The following GDPD1 variants were observed in gnomAD, a reference collection of about 807,000 sequenced individuals.
The protein encoded by GDPD1 is lysophospholipase D GDPD1.
GDPD1 carries 28 observed loss-of-function variants against 45.1 expected under a neutral mutation model. The ratio of observed to expected loss-of-function variants is 0.62; its 90% CI spans 0.46 to 0.85. The LOEUF (loss-of-function observed/expected upper bound fraction) is 0.85, where lower values mean the gene tolerates loss of function less well. Among genes scored for constraint, GDPD1 ranks in the 40% least tolerant of loss-of-function variants. The pLI, the probability that GDPD1 is intolerant of heterozygous loss-of-function variation, is 0.00. For missense variants in GDPD1, 256 were observed against 364.8 expected (o/e 0.70, Z 2.43); for synonymous variants, 139 against 131.4 (o/e 1.06, Z -0.40).
chr17:59,245,162 T>A (rs867363677), intron 2 of GDPD1, among the ~76,000 whole-genome samples: 2 of 152,208 alleles, frequency 1.3e-5, no homozygotes, highest in Admixed American at 1.3e-4. Context: ...TAACTTCAGA[T>A]TCAGTATTCT....
intron 6 of GDPD1, among the ~76,000 whole-genome samples, chr17:59,261,913 C>CTGTTTTTTTT (rs2047358628): frequency 1.3e-5 from 1 of 79,350 alleles, no homozygotes; most frequent in African/African-American, 6.4e-5. Flanking sequence ...AGATTACAGG[C>CTGTTTTTTTT]TTTTTTTTTT....
intron 6 of GDPD1, among the ~76,000 whole-genome samples, chr17:59,258,479 GT>G (rs2147896941): frequency 6.6e-6 from 1 of 152,136 alleles, no homozygotes; most frequent in South Asian, 2.1e-4. Flanking sequence ...GGAAGCAGAG[GT>G]TGCAGTGAGC....
chr17:59,262,706 C>A (rs1034898541), intron 6 of GDPD1, among the ~76,000 whole-genome samples: 3 of 150,822 alleles, frequency 2.0e-5, no homozygotes, highest in Non-Finnish European at 2.9e-5. Flanking sequence ...TGGCTCACTG[C>A]AACCTCCGCC....
chr17:59,231,431 A>G (rs909993055), intron 1 of GDPD1, among the ~76,000 whole-genome samples: 9 of 140,830 alleles, frequency 6.4e-5, no homozygotes, highest in African/African-American at 2.5e-4. Context: ...GGTTCACGCC[A>G]TTCTCCTGCC....
intron 3 of GDPD1, among the ~76,000 whole-genome samples, chr17:59,247,050 G>A (rs1241049983): frequency 6.6e-6 from 1 of 152,072 alleles, no homozygotes; most frequent in Non-Finnish European, 1.5e-5. Flanking sequence ...TTACAGGTGT[G>A]AGCCACCACG....
At chr17:59,245,619 C>A in intron 3 of GDPD1, 70 bp downstream of exon 3, 8 of 1,146,114 alleles carry the variant, frequency 7.0e-6, no homozygotes, top group South Asian at 1.6e-5. Context: ...TTTAAAATAG[C>A]GAATATCAGC....
intron 1 of GDPD1, among the ~76,000 whole-genome samples, chr17:59,233,534 GA>G (rs2047108607): frequency 7.0e-6 from 1 of 143,718 alleles, no homozygotes; most frequent in East Asian, 2.0e-4. Context: ...AAAAAAGAAA[GA>G]AAAAACAAAA....
At chr17:59,238,404 C>A (rs2047150700) in intron 2 of GDPD1, among the ~76,000 whole-genome samples, 1 of 146,118 alleles carries the variant, frequency 6.8e-6, no homozygotes, top group South Asian at 2.2e-4. Context: ...TATGGCTCTT[C>A]TATTATTTTT....
intron 1 of GDPD1, among the ~76,000 whole-genome samples, chr17:59,223,458 G>T (rs553751874): frequency 6.6e-6 from 1 of 152,116 alleles, no homozygotes; most frequent in Non-Finnish European, 1.5e-5. Flanking sequence ...AAGATACTAC[G>T]TCTCTGGAAA....
At position 59,234,651 on chromosome 17, in the gene GDPD1, G is replaced by A. The variant is rs1381693538; in HGVS notation, c.185+117G>A. The A allele has an allele frequency of 1.0e-5, 7 of 682,500 alleles. No individual in the cohort carries two copies. In the Admixed American group the frequency reaches 1.6e-4, roughly 16 times the overall value. The allele number at this position is 682,500 out of a possible 1,614,324, so 42.3% of individuals were successfully genotyped here. Reference sequence around the variant, plus strand: ...GTAAGTGTAGCATCAGTTTGTGATAGTTGTTTCTATTTTGTTAAAATTTCT... The same window carrying A: ...GTAAGTGTAGCATCAGTTTGTGATAATTGTTTCTATTTTGTTAAAATTTCT... On this transcript the variant is annotated intron_variant, in intron 2 of 9. Coordinates refer to ENST00000284116, the MANE Select transcript of GDPD1 (RefSeq NM_182569.4).
At chr17:59,261,935 T>TTTTTTTTTTTTA (rs2047359294) in intron 6 of GDPD1, among the ~76,000 whole-genome samples, 1 of 141,124 alleles carries the variant, frequency 7.1e-6, no homozygotes, top group African/African-American at 2.7e-5. Flanking sequence ...TTTTTTTTTT[T>TTTTTTTTTTTTA]GAGACGGAGT....
At chr17:59,236,319 T>G (rs972494962) in intron 2 of GDPD1, among the ~76,000 whole-genome samples, 3 of 152,222 alleles carry the variant, frequency 2.0e-5, no homozygotes, top group African/African-American at 7.2e-5. Context: ...TACAACATAT[T>G]TTTCATCTTG....
intron 2 of GDPD1, among the ~76,000 whole-genome samples, chr17:59,235,983 T>G (rs2047129061): frequency 6.6e-6 from 1 of 152,190 alleles, no homozygotes; most frequent in South Asian, 2.1e-4. Context: ...ATACAACATA[T>G]ACACACACTA....
intron 1 of GDPD1, among the ~76,000 whole-genome samples, chr17:59,234,216 A>C (rs1033272191): frequency 6.6e-6 from 1 of 151,804 alleles, no homozygotes; most frequent in Non-Finnish European, 1.5e-5. Flanking sequence ...CCGGGCGTGG[A>C]GGCGGGCGCC....
intron 5 of GDPD1, 49 bp from the exon 6 acceptor site, chr17:59,257,702 T>C: frequency 8.9e-7 from 1 of 1,124,592 alleles, no homozygotes; most frequent in Non-Finnish European, 1.3e-6. Flanking sequence ...ATGTTGTTAG[T>C]GGATTTGCAA....
intron 1 of GDPD1, among the ~76,000 whole-genome samples, chr17:59,221,445 CAATAAATAAATA>C (rs71145536): frequency 6.6e-5 from 9 of 135,428 alleles, no homozygotes; most frequent in South Asian, 2.4e-4. Context: ...TTGAACACTG[CAATAAATAAATA>C]AATAAATAAA....
At chr17:59,265,272 C>T (rs983695821) in intron 6 of GDPD1, among the ~76,000 whole-genome samples, 1 of 151,810 alleles carries the variant, frequency 6.6e-6, no homozygotes, top group Non-Finnish European at 1.5e-5. Flanking sequence ...TGGTAGCTCA[C>T]GCTTGTCATT....
chr17:59,261,872 A>T (rs2047358078), intron 6 of GDPD1, among the ~76,000 whole-genome samples: 1 of 147,112 alleles, frequency 6.8e-6, no homozygotes, highest in Non-Finnish European at 1.5e-5. Context: ...AGGCTCAAGC[A>T]ATCCTCTTGT....
At chr17:59,228,230 G>C (rs956518927) in intron 1 of GDPD1, among the ~76,000 whole-genome samples, 1 of 147,448 alleles carries the variant, frequency 6.8e-6, no homozygotes, top group African/African-American at 2.5e-5. Flanking sequence ...TAACTCATTT[G>C]ATTATACCAA....
Sources: allele counts gnomAD v4.1 joint callset (sites outside exome capture counted in the v4.1 genomes callset), GRCh38; gene constraint gnomAD v4.1.1; transcripts MANE v1.5; gene names NCBI Gene and HGNC (gene_info 2026-07-23, HGNC 2026-07-21).